PCDHGA5: variants seen among roughly 807,000 people sequenced by gnomAD.
The protein encoded by PCDHGA5 is protocadherin gamma subfamily A, 5.
A neutral mutation model predicts 56.7 loss-of-function variants in PCDHGA5; 36 were observed. The ratio of observed to expected loss-of-function variants is 0.64; its 90% CI spans 0.49 to 0.84. The LOEUF (loss-of-function observed/expected upper bound fraction) is 0.84. Ranked by LOEUF, PCDHGA5 falls within the 40% of genes least tolerant of loss-of-function variation. PCDHGA5 has a pLI of 0.00. For missense variants in PCDHGA5, 1,305 were observed against 1,201.5 expected (o/e 1.09, Z -1.27); for synonymous variants, 563 against 520.2 (o/e 1.08, Z -1.12).
In PCDHGA5 at chr5:141,413,895, T is replaced by C. The variant is rs749075692; in HGVS notation, c.2421+47144T>C. On this transcript the variant is annotated intron_variant, in intron 1 of 3. Transcript: ENST00000518069. ...TCAGTGTGACTGTCTTCGATGCAAATGACAACGCGCCGGTCTTCACCTTGC... is the reference window on the plus strand; with the variant it reads ...TCAGTGTGACTGTCTTCGATGCAAACGACAACGCGCCGGTCTTCACCTTGC... 7 of 1,613,190 alleles carry C rather than the reference T, an allele frequency of 4.3e-6. No individual in the cohort carries two copies. The South Asian group carries it at 6.6e-5, about 15-fold the overall frequency.
intron 1 of PCDHGA5, chr5:141,399,214 G>A: frequency 6.2e-7 from 1 of 1,613,956 alleles, no homozygotes; most frequent in African/African-American, 1.3e-5. Context: ...AACACTAATT[G>A]CTTTGATCAA....
intron 1 of PCDHGA5, chr5:141,389,294 A>T (rs776760884): frequency 1.2e-6 from 2 of 1,613,964 alleles, no homozygotes; most frequent in Non-Finnish European, 1.7e-6. Flanking sequence ...CCTCTATTTC[A>T]CAAGTCAGGG....
Position 141,491,826 on chromosome 5 carries a change from C to A in PCDHGA5, c.2422-2981C>A. 1 of 1,477,526 alleles carries A rather than the reference C, an allele frequency of 6.8e-7. No homozygotes were observed. The highest frequency in any genetic ancestry group is 9.0e-7 in the Non-Finnish European group (1 of 1,114,486). The allele number at this position is 1,477,526 out of a possible 1,614,324, so 91.5% of individuals were successfully genotyped here. A position where few individuals can be genotyped will look rare whatever the true frequency, so the allele number is the denominator to read the frequency against. ...GGCTTGGTCGCTGGCTGCGCTCCAC[C>A]CGATTCTCGGGATCATTGGACCGTT... On this transcript the variant is annotated intron_variant, in intron 1 of 3. Transcript: ENST00000518069. The surrounding 1 kb of genome is among the most constrained non-coding windows in gnomAD (Gnocchi z 6.9).
At chr5:141,435,575 C>T (rs1054936213) in intron 1 of PCDHGA5, among the ~76,000 whole-genome samples, 2 of 152,088 alleles carry the variant, frequency 1.3e-5, no homozygotes, top group South Asian at 2.1e-4. Context: ...AGTACTGGGG[C>T]AAATTTGCAG....
intron 1 of PCDHGA5, chr5:141,395,206 A>G (rs773754361): frequency 1.2e-6 from 2 of 1,613,736 alleles, no homozygotes; most frequent in South Asian, 1.1e-5. Context: ...GTAGATTTTC[A>G]TGAATATAAG....
rs1280923293 is a variant in PCDHGA5 at position 141,478,837 on chromosome 5, G to A, written c.2422-15970G>A. ...AACTAACCAATCTTGCTAAGGGATG[G>A]TTAAGCTAAAACACAAGATCTCAGC... is the stretch of plus-strand genomic sequence containing the variant. On this transcript the variant is annotated intron_variant, in intron 1 of 3. Transcript: ENST00000518069. 3.5e-6 allele frequency: 5 copies of A among 1,428,112 alleles called. No homozygotes were observed. The African/African-American group carries it at 5.8e-5, about 16-fold the overall frequency. The allele number at this position is 1,428,112 out of a possible 1,614,324, so 88.5% of individuals were successfully genotyped here.
At chr5:141,368,960 T>G (rs1765952746) in intron 1 of PCDHGA5, among the ~76,000 whole-genome samples, 2 of 152,218 alleles carry the variant, frequency 1.3e-5, no homozygotes, top group African/African-American at 2.4e-5. Flanking sequence ...TAGTTTAAGA[T>G]GCTATAATGC....
chr5:141,450,815 ATAT>A (rs1420984335), intron 1 of PCDHGA5, among the ~76,000 whole-genome samples: 6 of 126,742 alleles, frequency 4.7e-5, no homozygotes, highest in South Asian at 2.4e-4. Flanking sequence ...TATTTATTTA[ATAT>A]TATTATTATT....
intron 1 of PCDHGA5, among the ~76,000 whole-genome samples, chr5:141,464,151 G>A (rs2099076865): frequency 6.6e-6 from 1 of 151,818 alleles, no homozygotes; most frequent in Non-Finnish European, 1.5e-5. Flanking sequence ...TGTAGTCCCA[G>A]CTACTTGGAA....
chr5:141,431,748 G>A lies in PCDHGA5; in HGVS notation c.2422-63059G>A, dbSNP rs759671844. On this transcript the variant is annotated intron_variant, in intron 1 of 3. Coordinates refer to ENST00000518069, the MANE Select transcript of PCDHGA5 (RefSeq NM_018918.3). This position sits in a 1 kb window ranked among gnomAD's most constrained non-coding sequence, Gnocchi z 4.8. ...ATGGATAATGCAGGATATTCTGCGC[G>A]AGCCAAAGTCCTGATCACTGTTCTG... 4 of 1,614,078 alleles carry A rather than the reference G, an allele frequency of 2.5e-6. No individual in the cohort carries two copies. Among genetic ancestry groups the A allele is most frequent in the African/African-American group, 1.3e-5 (1 of 74,934 alleles).
intron 1 of PCDHGA5, chr5:141,433,226 C>G (rs1433770157): frequency 6.6e-7 from 1 of 1,514,890 alleles, no homozygotes; most frequent in Non-Finnish European, 9.0e-7. Context: ...TTTTTAATTG[C>G]TCTGTCTCCC....
intron 1 of PCDHGA5, chr5:141,393,531 C>G (rs997965420): frequency 6.2e-7 from 1 of 1,614,008 alleles, no homozygotes; most frequent in Non-Finnish European, 8.5e-7. Context: ...TGACAATGCC[C>G]CGGTTTTTCC....
At chr5:141,367,223 C>G in intron 1 of PCDHGA5, 1 of 155,444 alleles carries the variant, frequency 6.4e-6, no homozygotes, top group Non-Finnish European at 1.4e-5. Flanking sequence ...TGGAAAGGTA[C>G]AGAGAACTTC....
intron 1 of PCDHGA5, chr5:141,393,333 C>G: frequency 6.3e-7 from 1 of 1,582,250 alleles, no homozygotes; most frequent in Non-Finnish European, 8.6e-7. Context: ...CCAGCTCAGC[C>G]CCAATCACCA....
intron 1 of PCDHGA5, chr5:141,394,727 C>T (rs971156422): frequency 1.2e-6 from 2 of 1,613,318 alleles, no homozygotes; most frequent in African/African-American, 1.3e-5. Context: ...GAGATGCGCT[C>T]AAGCAGAGCC....
In PCDHGA5 at chr5:141,487,519, T is replaced by C. The variant is rs1288070159; in HGVS notation, c.2422-7288T>C. The C allele has an allele frequency of 6.2e-7, 1 of 1,614,046 alleles. No individual in the cohort carries two copies. ...CCTTGGCTTCTGCACCCACTCGGAG[T>C]GATAGCTTCATGATGGTGAAGTCAC... On this transcript the variant is annotated intron_variant, in intron 1 of 3. Transcript: ENST00000518069. The surrounding 1 kb of genome is among the most constrained non-coding windows in gnomAD (Gnocchi z 5.0).
chr5:141,481,104 C>T (rs2099531861), intron 1 of PCDHGA5, among the ~76,000 whole-genome samples: 1 of 152,130 alleles, frequency 6.6e-6, no homozygotes. Context: ...ACTCTGGAAC[C>T]TACCAATCCA....
intron 1 of PCDHGA5, chr5:141,405,437 T>C: frequency 7.0e-7 from 1 of 1,433,230 alleles, no homozygotes; most frequent in Non-Finnish European, 9.6e-7. Flanking sequence ...GTTTTGTTTT[T>C]GAGACAGAGT....
At chr5:141,408,392 C>G in intron 1 of PCDHGA5, 1 of 1,614,002 alleles carries the variant, frequency 6.2e-7, no homozygotes, top group South Asian at 1.1e-5. Context: ...TGTGTCGGCT[C>G]GCAAGCTGCG....
Sources: allele counts gnomAD v4.1 joint callset (sites outside exome capture counted in the v4.1 genomes callset), GRCh38; gene constraint gnomAD v4.1.1; non-coding constraint Gnocchi (gnomAD v3.1); transcripts MANE v1.5; gene names NCBI Gene and HGNC (gene_info 2026-07-23, HGNC 2026-07-21).